Variants in ADPRHL1 observed in about 807,000 individuals in gnomAD.
The protein encoded by ADPRHL1 is inactive ADP-ribosyltransferase ARH2.
In ADPRHL1, 43 loss-of-function variants were observed where a neutral mutation model predicts 44.1. The ratio of observed to expected loss-of-function variants is 0.98; its 90% CI spans 0.76 to 1.26. ADPRHL1 has a LOEUF of 1.26. Among genes scored for constraint, ADPRHL1 ranks in the 50% most tolerant of loss-of-function variants. The pLI is 0.00. For missense variants in ADPRHL1, 2,022 were observed against 2,496.9 expected (o/e 0.81, Z 4.05); for synonymous variants, 878 against 1,017.4 (o/e 0.86, Z 2.61).
Position 113,436,149 on chromosome 13 carries a change from G to A in ADPRHL1, c.380-2282C>T, listed in dbSNP as rs78334555. 4.3e-3 allele frequency among the ~76,000 whole-genome samples: 416 copies of A among 96,398 alleles called. 1 individual carries two copies. Among genetic ancestry groups the A allele is most frequent in the African/African-American group, 0.012 (334 of 26,858 alleles). The allele number at this position is 96,398 out of a possible 152,430, so 63.2% of individuals were successfully genotyped here. A position where few individuals can be genotyped will look rare whatever the true frequency, so the allele number is the denominator to read the frequency against. ...TGAACACAGGTGTACCCCGGGACCCGGCACCCAGGCGCAGGGTGAACATAG... is the reference window on the plus strand; with the variant it reads ...TGAACACAGGTGTACCCCGGGACCCAGCACCCAGGCGCAGGGTGAACATAG... On this transcript the variant is annotated intron_variant, in intron 2 of 7. Coordinates refer to ENST00000612156, the MANE Select transcript of ADPRHL1 (RefSeq NM_001394807.1).
chr13:113,424,413 C>T, intron 5 of ADPRHL1, 64 bp from the exon 6 acceptor site: 13 of 1,593,570 alleles, frequency 8.2e-6, no homozygotes, highest in Non-Finnish European at 1.1e-5. Flanking sequence ...TATATTACAG[C>T]ACAAGCTTTC....
At chr13:113,418,203 C>T (rs1275321724) in intron 7 of ADPRHL1, among the ~76,000 whole-genome samples, 2 of 152,132 alleles carry the variant, frequency 1.3e-5, no homozygotes, top group East Asian at 1.9e-4. Flanking sequence ...GTTTCCTTGT[C>T]TACAAAATGG....
Position 113,404,373 on chromosome 13 carries a change from G to T in ADPRHL1, c.4909C>A (p.Gln1637Lys). Reference protein sequence around the residue: ...WAQEQTQKGAQERVQGQAQKG... With the variant: ...WAQEQTQKGAKERVQGQAQKG... ...TGGGCCTGACCCTGAACCCGTTCCT[G>T]AGCCCCTTTCTGGGTCTGTTCCTGA... The change falls in exon 8 of 8, where the codon CAG (glutamine) becomes AAG (lysine). Residue 1637 changes from glutamine (Q) to lysine (K), a missense_variant. Coordinates refer to ENST00000612156, the MANE Select transcript of ADPRHL1 (RefSeq NM_001394807.1). 1 of 1,326,952 alleles carries T rather than the reference G, an allele frequency of 7.5e-7. No individual in the cohort carries two copies. Among genetic ancestry groups the T allele is most frequent in the Non-Finnish European group, 9.6e-7 (1 of 1,046,720 alleles). The allele number at this position is 1,326,952 out of a possible 1,614,324, so 82.2% of individuals were successfully genotyped here. A position where few individuals can be genotyped will look rare whatever the true frequency, so the allele number is the denominator to read the frequency against.
Position 113,441,798 on chromosome 13 carries a change from C to T in ADPRHL1, c.379+2627G>A, listed in dbSNP as rs1357661329. On this transcript the variant is annotated intron_variant, in intron 2 of 7. Transcript: ENST00000612156. The surrounding 1 kb of genome is among the most constrained non-coding windows in gnomAD (Gnocchi z 6.0). Reference sequence around the variant, plus strand: ...GCCGTGTGGGTCTGTGTCTCTATCACGCTTTACTCCACCACACGGGTCCGT... The same window carrying T: ...GCCGTGTGGGTCTGTGTCTCTATCATGCTTTACTCCACCACACGGGTCCGT... Among the ~76,000 whole-genome samples, 4 of 152,102 alleles carry T rather than the reference C, an allele frequency of 2.6e-5. No individual in the cohort carries two copies. The highest frequency in any genetic ancestry group is 1.3e-4 in the Admixed American group (2 of 15,276).
Position 113,406,277 on chromosome 13 carries a change from G to C in ADPRHL1, c.3005C>G (p.Ser1002Cys). The part of the protein sequence containing the change: ...SNEISMQKKG[S>C]ATNDPAASQN... ...TGAGGCTGCAGGATCATTTGTTGCGGAGCCCTTCTTCTGCATTGATATTTC... is the reference window on the plus strand; with the variant it reads ...TGAGGCTGCAGGATCATTTGTTGCGCAGCCCTTCTTCTGCATTGATATTTC... Residue 1002 changes from serine to cysteine, a missense_variant, in exon 8 of 8, where the codon TCC becomes TGC. Ser to Cys is a moderately radical substitution (Grantham distance 112, BLOSUM62 -1). This residue lies in a region of ADPRHL1 where 1,221 missense variants were observed against 1,517.8 expected (regional missense o/e 0.80). Coordinates refer to ENST00000612156, the MANE Select transcript of ADPRHL1 (RefSeq NM_001394807.1). 8.1e-7 allele frequency: 1 copy of C among 1,232,082 alleles called. No individual in the cohort carries two copies. Among genetic ancestry groups the C allele is most frequent in the Non-Finnish European group, 1.0e-6 (1 of 987,978 alleles). 76.3% of individuals were successfully genotyped at this position (1,232,082 alleles called of 1,614,324 possible). A position where few individuals can be genotyped will look rare whatever the true frequency, so the allele number is the denominator to read the frequency against.
At position 113,406,582 on chromosome 13, in the gene ADPRHL1, C is replaced by G; in HGVS notation, c.2700G>C (p.Val900=). 1 of 1,232,038 alleles carries G rather than the reference C, an allele frequency of 8.1e-7. No individual in the cohort carries two copies. Among genetic ancestry groups the G allele is most frequent in the Non-Finnish European group, 1.0e-6 (1 of 987,970 alleles). The allele number at this position is 1,232,038 out of a possible 1,614,324, so 76.3% of individuals were successfully genotyped here. A position where few individuals can be genotyped will look rare whatever the true frequency, so the allele number is the denominator to read the frequency against. The part of the protein sequence containing the change: ...TENRRGHRAP[V]ELSKLSGMQA... Reference sequence around the variant, plus strand: ...GCATCCCTGAAAGCTTGCTCAGTTCCACTGGGGCTCGGTGACCCCTTCTGT... The same window carrying G: ...GCATCCCTGAAAGCTTGCTCAGTTCGACTGGGGCTCGGTGACCCCTTCTGT... Residue 900 remains valine (V), a synonymous_variant, in exon 8 of 8, where the codon GTG becomes GTC. Transcript: ENST00000612156.
At chr13:113,424,836 C>CCATCCATT (rs2043955752) in intron 5 of ADPRHL1, among the ~76,000 whole-genome samples, 5 of 15,220 alleles carry the variant, frequency 3.3e-4, no homozygotes, top group Middle Eastern at 0.056. Context: ...ACCTGTCCAC[C>CCATCCATT]CATCCATCCA....
chr13:113,434,119 G>A (rs972612618), intron 2 of ADPRHL1, among the ~76,000 whole-genome samples: 3 of 152,180 alleles, frequency 2.0e-5, no homozygotes, highest in African/African-American at 4.8e-5. Flanking sequence ...CTGGAGATAT[G>A]CTCGTGATTT....
intron 7 of ADPRHL1, among the ~76,000 whole-genome samples, chr13:113,421,742 A>G (rs1301828119): frequency 6.6e-6 from 1 of 152,174 alleles, no homozygotes; most frequent in African/African-American, 2.4e-5. Flanking sequence ...AAATCATCCC[A>G]TAGAAGAAGA....
chr13:113,450,168 G>A (rs1457686254), intron 1 of ADPRHL1, among the ~76,000 whole-genome samples: 2 of 152,102 alleles, frequency 1.3e-5, no homozygotes, highest in Non-Finnish European at 2.9e-5. Context: ...TCTGCCCACC[G>A]TGGCCTCCCA....
rs992804779 is a variant in ADPRHL1, at chr13:113,405,868, G to A, written c.3414C>T (p.Asp1138=). The A allele has an allele frequency of 8.1e-7, 1 of 1,231,982 alleles. No homozygotes were observed. The highest frequency in any genetic ancestry group is 4.1e-5 in the South Asian group (1 of 24,326). 76.3% of individuals were successfully genotyped at this position (1,231,982 alleles called of 1,614,324 possible). A position where few individuals can be genotyped will look rare whatever the true frequency, so the allele number is the denominator to read the frequency against. The change falls in exon 8 of 8, where the codon GAC becomes GAT. Residue 1138 remains aspartate, a synonymous_variant. Coordinates refer to ENST00000612156, the MANE Select transcript of ADPRHL1 (RefSeq NM_001394807.1). ...PAPGSTQSPG[D]RTAGEPETLG... ...GCGTCTCTGGCTCTCCCGCTGTGCG[G>A]TCTCCAGGGCTCTGGGTGCTGCCTG...
In ADPRHL1 at chr13:113,441,700, C is replaced by T. The variant is rs1053266009; in HGVS notation, c.379+2725G>A. Reference sequence around the variant, plus strand: ...TTACCATTTCTGTAACACTCTATCCCGCTGCGTGGGTCCATGTCTCTATCA... The same window carrying T: ...TTACCATTTCTGTAACACTCTATCCTGCTGCGTGGGTCCATGTCTCTATCA... On this transcript the variant is annotated intron_variant, in intron 2 of 7. Coordinates refer to ENST00000612156, the MANE Select transcript of ADPRHL1 (RefSeq NM_001394807.1). This position sits in a 1 kb window ranked among gnomAD's most constrained non-coding sequence, Gnocchi z 6.0. Among the ~76,000 whole-genome samples the T allele has an allele frequency of 2.0e-5, 3 of 152,152 alleles. No homozygotes were observed. The highest frequency in any genetic ancestry group is 6.5e-5 in the Admixed American group (1 of 15,270).
In ADPRHL1 at chr13:113,408,517, G is replaced by A. The variant is rs1043031124; in HGVS notation, c.1062-297C>T. Among the ~76,000 whole-genome samples, 8 of 152,188 alleles carry A rather than the reference G, an allele frequency of 5.3e-5. No homozygotes were observed. The East Asian group carries it at 7.7e-4, about 15-fold the overall frequency. ...TGACATTGAACAGTTTAGTGAAAGC[G>A]TTTGGAAAACCACTTTGCATATGCA... is the stretch of plus-strand genomic sequence containing the variant. On this transcript the variant is annotated intron_variant, in intron 7 of 7. Transcript: ENST00000612156.
At chr13:113,410,328 C>T (rs1425279469) in intron 7 of ADPRHL1, among the ~76,000 whole-genome samples, 1 of 152,202 alleles carries the variant, frequency 6.6e-6, no homozygotes, top group Non-Finnish European at 1.5e-5. Flanking sequence ...GGCCGCACCA[C>T]CAACGCCTCT....
At chr13:113,449,062 G>T in intron 1 of ADPRHL1, 1 of 987,262 alleles carries the variant, frequency 1.0e-6, no homozygotes, top group Non-Finnish European at 1.2e-6. Flanking sequence ...GTCGTTTCAG[G>T]GCCATGGATG....
chr13:113,406,056 C>G lies in ADPRHL1; in HGVS notation c.3226G>C (p.Glu1076Gln). 8.1e-7 allele frequency: 1 copy of G among 1,232,190 alleles called. No individual in the cohort carries two copies. The highest frequency in any genetic ancestry group is 4.1e-5 in the South Asian group (1 of 24,330). The allele number at this position is 1,232,190 out of a possible 1,614,324, so 76.3% of individuals were successfully genotyped here. A position where few individuals can be genotyped will look rare whatever the true frequency, so the allele number is the denominator to read the frequency against. ...GCAGCCTTCAGGGGCTGAGAAGACTCTATTAGCAGCGGCCTTCTGCATTCC... is the reference window on the plus strand; with the variant it reads ...GCAGCCTTCAGGGGCTGAGAAGACTGTATTAGCAGCGGCCTTCTGCATTCC... ...LEECRRPLLIESSQPLKAAEE... is the reference protein window; with the variant it reads ...LEECRRPLLIQSSQPLKAAEE... The change falls in exon 8 of 8, where the codon GAG (glutamate) becomes CAG (glutamine). Residue 1076 changes from glutamate to glutamine, a missense_variant. This residue lies in a region of ADPRHL1 where 1,221 missense variants were observed against 1,517.8 expected (regional missense o/e 0.80). Transcript: ENST00000612156.
At chr13:113,418,070 T>C (rs1442293564) in intron 7 of ADPRHL1, among the ~76,000 whole-genome samples, 1 of 152,006 alleles carries the variant, frequency 6.6e-6, no homozygotes, top group African/African-American at 2.4e-5. Flanking sequence ...GGTGGTGAGG[T>C]CTTCCAGAAT....
Position 113,406,307 on chromosome 13 carries a change from G to C in ADPRHL1, c.2975C>G (p.Ser992Cys). Reference protein sequence around the residue: ...LRDVKHPLPESNEISMQKKGS... With the variant: ...LRDVKHPLPECNEISMQKKGS... The stretch of plus-strand genomic sequence containing the variant: ...CTTCTTCTGCATTGATATTTCATTA[G>C]ATTCCGGCAACGGATGCTTCACATC... Residue 992 changes from serine (S) to cysteine (C), a missense_variant, in exon 8 of 8, where the codon TCT becomes TGT. Physicochemically the swap from Ser to Cys is moderately radical, Grantham distance 112. Transcript: ENST00000612156. 8.1e-7 allele frequency: 1 copy of C among 1,232,084 alleles called. No individual in the cohort carries two copies. Among genetic ancestry groups the C allele is most frequent in the Non-Finnish European group, 1.0e-6 (1 of 987,978 alleles). The allele number at this position is 1,232,084 out of a possible 1,614,324, so 76.3% of individuals were successfully genotyped here.
In ADPRHL1 at chr13:113,401,083, G is replaced by C. The variant is rs2043758050; in HGVS notation, c.*2295C>G. The C allele has an allele frequency of 6.6e-6, 1 of 152,176 alleles. No individual in the cohort carries two copies. Among genetic ancestry groups the C allele is most frequent in the African/African-American group, 2.4e-5 (1 of 41,424 alleles). The allele number at this position is 152,176 out of a possible 1,614,324, so 9.4% of individuals were successfully genotyped here. A position where few individuals can be genotyped will look rare whatever the true frequency, so the allele number is the denominator to read the frequency against. On this transcript the variant is annotated 3_prime_UTR_variant, in exon 8 of 8. Coordinates refer to ENST00000612156, the MANE Select transcript of ADPRHL1 (RefSeq NM_001394807.1). The surrounding 1 kb of genome is among the most constrained non-coding windows in gnomAD (Gnocchi z 5.5). Reference sequence around the variant, plus strand: ...ACTCATTGCCTCCAATTCCAAATAGGTAAAGAGTGAGGGCCGTGCCGCTGT... The same window carrying C: ...ACTCATTGCCTCCAATTCCAAATAGCTAAAGAGTGAGGGCCGTGCCGCTGT...
Sources: allele counts gnomAD v4.1 joint callset (sites outside exome capture counted in the v4.1 genomes callset), GRCh38; gene constraint gnomAD v4.1.1; regional missense constraint gnomAD v4.1.1; non-coding constraint Gnocchi (gnomAD v3.1); transcripts MANE v1.5; gene names NCBI Gene and HGNC (gene_info 2026-07-23, HGNC 2026-07-21).